The following BRMS1L variants were observed in gnomAD, a reference collection of about 807,000 sequenced individuals.
BRMS1L encodes breast cancer metastasis-suppressor 1-like protein.
BRMS1L carries 23 observed loss-of-function variants against 50.3 expected under a neutral mutation model. The observed-to-expected ratio is 0.46, with a 90% CI of 0.33 to 0.65. BRMS1L has a LOEUF of 0.65. Among genes scored for constraint, BRMS1L ranks in the 30% least tolerant of loss-of-function variants. The pLI is 0.02. For synonymous variants in BRMS1L, 114 were observed against 126.9 expected (o/e 0.90, Z 0.69); for missense variants, 286 against 386.1 (o/e 0.74, Z 2.17).
Position 35,826,394 on chromosome 14 carries a change from G to C in BRMS1L, c.-123G>C, listed in dbSNP as rs920009451. 3.5e-6 allele frequency: 5 copies of C among 1,426,970 alleles called. No homozygotes were observed. The highest frequency in any genetic ancestry group is 4.7e-6 in the Non-Finnish European group (5 of 1,053,142). The allele number at this position is 1,426,970 out of a possible 1,614,324, so 88.4% of individuals were successfully genotyped here. A position where few individuals can be genotyped will look rare whatever the true frequency, so the allele number is the denominator to read the frequency against. ...TTGTGAGGCCCGGGCCGGGGGCGGG[G>C]AGGAGCCAAGGGGGCGAGCAAGCTC... On this transcript the variant is annotated 5_prime_UTR_variant, in exon 1 of 10. Coordinates refer to ENST00000216807, the MANE Select transcript of BRMS1L (RefSeq NM_032352.4).
Position 35,841,998 on chromosome 14 carries a change from C to CTTTTT in BRMS1L, c.441+7089_441+7093dup, listed in dbSNP as rs574267347. The stretch of plus-strand genomic sequence containing the variant: ...TCAGAGACTAGGATTGCAATCTCTG[C>CTTTTT]TTTTTTTTTTTTTTTTTTGCTTTCC... On this transcript the variant is annotated intron_variant, in intron 4 of 9. Coordinates refer to ENST00000216807, the MANE Select transcript of BRMS1L (RefSeq NM_032352.4). Among the ~76,000 whole-genome samples, 110 of 112,190 alleles carry CTTTTT rather than the reference C, an allele frequency of 9.8e-4. 2 individuals are homozygous for CTTTTT. Among genetic ancestry groups the CTTTTT allele is most frequent in the African/African-American group, 3.7e-3 (104 of 28,230 alleles). 73.6% of individuals were successfully genotyped at this position (112,190 alleles called of 152,430 possible). A position where few individuals can be genotyped will look rare whatever the true frequency, so the allele number is the denominator to read the frequency against.
intron 4 of BRMS1L, among the ~76,000 whole-genome samples, chr14:35,845,754 T>G (rs1194958325): frequency 6.6e-6 from 1 of 152,174 alleles, no homozygotes; most frequent in Non-Finnish European, 1.5e-5. Context: ...CACACACACA[T>G]TTTTTAGAAT....
intron 5 of BRMS1L, 132 bp from the exon 6 acceptor site, chr14:35,863,738 A>G (rs2078382991): frequency 1.4e-6 from 1 of 712,512 alleles, no homozygotes; most frequent in African/African-American, 1.8e-5. Flanking sequence ...AGCTTAATCT[A>G]TATATACCCA....
chr14:35,868,177 A>G (rs1490353579), intron 9 of BRMS1L, 145 bp downstream of exon 9: 8 of 690,384 alleles, frequency 1.2e-5, no homozygotes, highest in Non-Finnish European at 1.8e-5. Flanking sequence ...GCTTGATTAC[A>G]TGTGTGTACA....
chr14:35,826,673 G>T lies in BRMS1L; in HGVS notation c.142+15G>T. ...AGATAGCTCAGGTGCGCGACCCACT[G>T]CTGGGACCCTGAGTCCCCGCGCCCA... is the stretch of plus-strand genomic sequence containing the variant. On this transcript the variant is annotated intron_variant, in intron 1 of 9. Coordinates refer to ENST00000216807, the MANE Select transcript of BRMS1L (RefSeq NM_032352.4). The T allele has an allele frequency of 6.2e-7, 1 of 1,609,258 alleles. No individual in the cohort carries two copies. Among genetic ancestry groups the T allele is most frequent in the South Asian group, 1.1e-5 (1 of 90,314 alleles).
intron 4 of BRMS1L, among the ~76,000 whole-genome samples, chr14:35,837,077 A>G (rs1381884277): frequency 1.3e-5 from 2 of 151,158 alleles, no homozygotes; most frequent in African/African-American, 4.9e-5. Flanking sequence ...CAATATGATG[A>G]AACCCTGTTT....
intron 1 of BRMS1L, among the ~76,000 whole-genome samples, chr14:35,826,950 C>T (rs2077854578): frequency 6.6e-6 from 1 of 152,164 alleles, no homozygotes; most frequent in African/African-American, 2.4e-5. Context: ...GACAACTTCC[C>T]GCAGCAGACA....
At chr14:35,845,971 C>T (rs1321835751) in intron 4 of BRMS1L, among the ~76,000 whole-genome samples, 3 of 152,178 alleles carry the variant, frequency 2.0e-5, no homozygotes, top group African/African-American at 4.8e-5. Context: ...AGATAGAACT[C>T]ATTTTGGTGA....
intron 4 of BRMS1L, among the ~76,000 whole-genome samples, chr14:35,838,884 A>G (rs2078026767): frequency 6.7e-6 from 1 of 150,168 alleles, no homozygotes; most frequent in African/African-American, 2.5e-5. Flanking sequence ...ATTAGATCCC[A>G]TTTGTCAATT....
In BRMS1L at chr14:35,863,970, T is replaced by A; in HGVS notation, c.622+17T>A. ...TTGTTTCAGATATCCTTTTCCAAATTTTCTGTTTTTTTTTCCTTGATGTGC... is the reference window on the plus strand; with the variant it reads ...TTGTTTCAGATATCCTTTTCCAAATATTCTGTTTTTTTTTCCTTGATGTGC... On this transcript the variant is annotated intron_variant, in intron 6 of 9. Coordinates refer to ENST00000216807, the MANE Select transcript of BRMS1L (RefSeq NM_032352.4). The A allele has an allele frequency of 6.2e-7, 1 of 1,608,402 alleles. No individual in the cohort carries two copies. The highest frequency in any genetic ancestry group is 8.5e-7 in the Non-Finnish European group (1 of 1,176,544).
chr14:35,850,906 T>G (rs1193314477), intron 4 of BRMS1L, among the ~76,000 whole-genome samples: 2 of 152,214 alleles, frequency 1.3e-5, no homozygotes, highest in Non-Finnish European at 2.9e-5. Context: ...TCATTTAGTT[T>G]TGTTTTGTTC....
At chr14:35,856,577 AG>A (rs148594348) in intron 4 of BRMS1L, among the ~76,000 whole-genome samples, 17,210 of 151,150 alleles carry the variant, frequency 0.11, 1,055 homozygotes, top group South Asian at 0.14. Context: ...TTCCAACCAG[AG>A]GTAATCACTG....
At chr14:35,867,536 G>A (rs1428031159) in intron 8 of BRMS1L, among the ~76,000 whole-genome samples, 3 of 152,192 alleles carry the variant, frequency 2.0e-5, no homozygotes, top group Non-Finnish European at 2.9e-5. Flanking sequence ...CGGTATATCA[G>A]ATGCCCGCAG....
rs139261110 is a variant in BRMS1L at position 35,848,919 on chromosome 14, G to A, written c.442-13671G>A. On this transcript the variant is annotated intron_variant, in intron 4 of 9. Coordinates refer to ENST00000216807, the MANE Select transcript of BRMS1L (RefSeq NM_032352.4). ...CCATATCTTGGAGGTGAATAATGCT[G>A]TAGTGAACATGGGAGTGCAGATATC... 2.3e-3 allele frequency among the ~76,000 whole-genome samples: 354 copies of A among 152,310 alleles called. 3 individuals carry two copies. The highest frequency in any genetic ancestry group is 6.7e-3 in the Admixed American group (103 of 15,292).
At chr14:35,853,879 AC>A (rs2078245881) in intron 4 of BRMS1L, among the ~76,000 whole-genome samples, 1 of 152,294 alleles carries the variant, frequency 6.6e-6, no homozygotes, top group African/African-American at 2.4e-5. Flanking sequence ...GTTAGTGATT[AC>A]CCCCATACCT....
At chr14:35,857,180 G>A (rs895874810) in intron 4 of BRMS1L, among the ~76,000 whole-genome samples, 12 of 151,080 alleles carry the variant, frequency 7.9e-5, no homozygotes, top group African/African-American at 2.9e-4. Context: ...GACGGAGGTT[G>A]CAGTGAGATG....
At chr14:35,868,961 G>A (rs972582559) in intron 9 of BRMS1L, among the ~76,000 whole-genome samples, 6 of 152,170 alleles carry the variant, frequency 3.9e-5, no homozygotes, top group African/African-American at 1.4e-4. Flanking sequence ...CTCCAGTAGT[G>A]TAGGATTTAA....
At chr14:35,826,812 C>G (rs2077851382) in intron 1 of BRMS1L, 154 bp downstream of exon 1, 1 of 1,095,444 alleles carries the variant, frequency 9.1e-7, no homozygotes, top group Non-Finnish European at 1.3e-6. Flanking sequence ...GCACCCTGAC[C>G]GGTCGCTGGG....
At chr14:35,841,741 C>T (rs1020666952) in intron 4 of BRMS1L, among the ~76,000 whole-genome samples, 2 of 152,164 alleles carry the variant, frequency 1.3e-5, no homozygotes, top group Admixed American at 1.3e-4. Flanking sequence ...TGTTAATTTT[C>T]TGTCTCATTG....
Sources: gnomAD v4.1 joint callset for allele counts (sites outside exome capture counted in the v4.1 genomes callset) on GRCh38, gnomAD v4.1.1 for gene constraint, MANE v1.5 for transcripts, NCBI Gene and HGNC (gene_info 2026-07-23, HGNC 2026-07-21) for gene names.